Variants in RIMS1 observed in about 807,000 individuals in gnomAD.
The protein encoded by RIMS1 is regulating synaptic membrane exocytosis protein 1.
Under a neutral mutation model 214.1 loss-of-function variants are expected in RIMS1, and 83 were observed. That is an observed-to-expected ratio of 0.39 (90% CI 0.32 to 0.47). RIMS1 has a LOEUF of 0.47. RIMS1 is among the 20% of genes least tolerant of loss of function. The pLI, the probability that RIMS1 is intolerant of heterozygous loss-of-function variation, is 0.99. For missense variants in RIMS1, 2,050 were observed against 2,161.8 expected, an observed-to-expected ratio of 0.95 and a Z score of 1.03; for synonymous variants, 793 against 786.8, an observed-to-expected ratio of 1.01 and a Z score of -0.13.
At chr6:72,091,316 T>G (rs529365056) in intron 2 of RIMS1, among the ~76,000 whole-genome samples, 1 of 152,288 alleles carries the variant, frequency 6.6e-6, no homozygotes, top group South Asian at 2.1e-4. Flanking sequence ...GGAAGAAAGG[T>G]AGAATTTTCT....
At chr6:72,187,724 C>G (rs1467558119) in intron 6 of RIMS1, among the ~76,000 whole-genome samples, 1 of 151,998 alleles carries the variant, frequency 6.6e-6, no homozygotes, top group East Asian at 1.9e-4. Context: ...GATCTCCTGA[C>G]CTCGTGATCC....
At chr6:71,994,304 A>G (rs1802741658) in intron 2 of RIMS1, among the ~76,000 whole-genome samples, 1 of 152,206 alleles carries the variant, frequency 6.6e-6, no homozygotes, top group Non-Finnish European at 1.5e-5. Context: ...ATTTCCAGCA[A>G]ATACGTGTAG....
At chr6:72,196,344 A>G (rs1415841572) in intron 6 of RIMS1, among the ~76,000 whole-genome samples, 3 of 144,108 alleles carry the variant, frequency 2.1e-5, no homozygotes, top group Non-Finnish European at 4.6e-5. Context: ...GACCATGGCT[A>G]TTTCCTCTGT....
At chr6:72,311,589 T>G (rs2095514158) in intron 27 of RIMS1, among the ~76,000 whole-genome samples, 1 of 152,212 alleles carries the variant, frequency 6.6e-6, no homozygotes, top group South Asian at 2.1e-4. Context: ...CTTTGAGAGA[T>G]AAATCACACA....
At chr6:71,892,601 G>C (rs58650515) in intron 1 of RIMS1, among the ~76,000 whole-genome samples, 67 of 152,138 alleles carry the variant, frequency 4.4e-4, no homozygotes, top group African/African-American at 1.6e-3. Context: ...TGCCCACAGG[G>C]TTCCCTAATA....
intron 4 of RIMS1, among the ~76,000 whole-genome samples, chr6:72,170,323 T>C (rs1385273179): frequency 1.3e-5 from 2 of 152,204 alleles, no homozygotes; most frequent in Non-Finnish European, 2.9e-5. Context: ...ATACCACTTA[T>C]GTTTACCATT....
intron 2 of RIMS1, among the ~76,000 whole-genome samples, chr6:72,058,778 A>G (rs1039361494): frequency 2.0e-5 from 3 of 152,210 alleles, no homozygotes; most frequent in Admixed American, 1.3e-4. Context: ...AAAGCTTAAC[A>G]TGAACATGAG....
chr6:71,919,181 C>T (rs1779268665), intron 1 of RIMS1, among the ~76,000 whole-genome samples: 1 of 152,020 alleles, frequency 6.6e-6, no homozygotes, highest in South Asian at 2.1e-4. Context: ...TGTTTTATAA[C>T]TTATAAGTGC....
At chr6:71,887,914 T>A (rs973624838) in intron 1 of RIMS1, among the ~76,000 whole-genome samples, 1 of 152,158 alleles carries the variant, frequency 6.6e-6, no homozygotes, top group African/African-American at 2.4e-5. Context: ...CTGGCCTGAA[T>A]AACATAGAGG....
intron 1 of RIMS1, among the ~76,000 whole-genome samples, chr6:71,945,969 C>G (rs1364160589): frequency 6.6e-6 from 1 of 151,088 alleles, no homozygotes. Context: ...AATATTCCAC[C>G]AAAAAACTGT....
At chr6:72,066,942 G>T (rs989489502) in intron 2 of RIMS1, among the ~76,000 whole-genome samples, 1 of 152,052 alleles carries the variant, frequency 6.6e-6, no homozygotes, top group Non-Finnish European at 1.5e-5. Flanking sequence ...TAAATTCTGT[G>T]AGCTCTACCT....
intron 2 of RIMS1, among the ~76,000 whole-genome samples, chr6:72,047,140 T>C (rs1057105593): frequency 9.9e-5 from 15 of 152,234 alleles, no homozygotes; most frequent in African/African-American, 3.4e-4. Flanking sequence ...ACTTCAGGTT[T>C]CTAGTTTTAG....
chr6:72,354,317 A>G (rs1293278783), intron 29 of RIMS1, among the ~76,000 whole-genome samples: 2 of 152,192 alleles, frequency 1.3e-5, no homozygotes, highest in Non-Finnish European at 2.9e-5. Context: ...TTTTCTCACT[A>G]TGGAAAATTC....
chr6:72,327,407 A>T (rs115606039), intron 28 of RIMS1, among the ~76,000 whole-genome samples: 160 of 151,810 alleles, frequency 1.1e-3, no homozygotes, highest in African/African-American at 3.7e-3. Context: ...TTGTTTCTCT[A>T]TTCATCAGTT....
intron 2 of RIMS1, among the ~76,000 whole-genome samples, chr6:72,004,138 T>C (rs1225266443): frequency 6.6e-6 from 1 of 151,190 alleles, no homozygotes; most frequent in African/African-American, 2.4e-5. Flanking sequence ...TTTGTCCTTG[T>C]GATAGTTTAC....
At chr6:72,233,623 AC>A in intron 6 of RIMS1, 149 bp from the exon 7 acceptor site, 1 of 623,378 alleles carries the variant, frequency 1.6e-6, no homozygotes, top group South Asian at 2.1e-5. Context: ...TCAAGTCACA[AC>A]CTTTGCAACA....
intron 26 of RIMS1, among the ~76,000 whole-genome samples, chr6:72,302,854 T>G (rs926343150): frequency 6.6e-6 from 1 of 151,254 alleles, no homozygotes; most frequent in Non-Finnish European, 1.5e-5. Flanking sequence ...TTCTACTTAT[T>G]TCTGTCCTTT....
chr6:72,199,899 G>A (rs1022187935), intron 6 of RIMS1, among the ~76,000 whole-genome samples: 16 of 151,946 alleles, frequency 1.1e-4, no homozygotes, highest in Non-Finnish European at 2.2e-4. Context: ...CCATTAGAAC[G>A]ACTAAGAAAA....
intron 28 of RIMS1, among the ~76,000 whole-genome samples, chr6:72,320,730 T>A (rs577006611): frequency 6.6e-6 from 1 of 152,058 alleles, no homozygotes; most frequent in African/African-American, 2.4e-5. Context: ...TACTTATTAT[T>A]GTTTTTTAGC....
Sources: allele counts gnomAD v4.1 joint callset (sites outside exome capture counted in the v4.1 genomes callset), GRCh38; gene constraint gnomAD v4.1.1; transcripts MANE v1.5; gene names NCBI Gene and HGNC (gene_info 2026-07-23, HGNC 2026-07-21).